Variants in ZFP2 observed in about 807,000 individuals in gnomAD.
ZFP2 encodes ZFP2 zinc finger protein, also known as zinc finger protein ZFP2.
ZFP2 carries 33 observed loss-of-function variants against 36.1 expected under a neutral mutation model. The observed-to-expected ratio is 0.92, with a 90% CI of 0.69 to 1.22. The LOEUF is 1.22. ZFP2 is among the 50% of genes most tolerant of loss of function. The probability of loss-of-function intolerance (pLI) is 0.00; values close to 1 mark genes in which losing one functional copy is unlikely to be tolerated. For missense variants in ZFP2, 522 were observed against 551.4 expected, an observed-to-expected ratio of 0.95 and a Z score of 0.53; for synonymous variants, 170 against 178.0, an observed-to-expected ratio of 0.96 and a Z score of 0.36.
chr5:178,915,965 G>A (rs971576998), intron 3 of ZFP2, among the ~76,000 whole-genome samples: 1 of 152,146 alleles, frequency 6.6e-6, no homozygotes, highest in Non-Finnish European at 1.5e-5. Flanking sequence ...CATAAATCTG[G>A]TGAAAATATA....
intron 1 of ZFP2, among the ~76,000 whole-genome samples, chr5:178,904,571 A>G (rs1034193250): frequency 2.7e-5 from 4 of 150,238 alleles, no homozygotes; most frequent in African/African-American, 7.4e-5. Context: ...TATAGTTTAC[A>G]TATATTTATA....
chr5:178,909,506 T>C (rs189446877), intron 1 of ZFP2, among the ~76,000 whole-genome samples: 7 of 152,316 alleles, frequency 4.6e-5, no homozygotes, highest in African/African-American at 1.7e-4. Context: ...TGGTCCCACT[T>C]TCACTCTTGA....
intron 4 of ZFP2, among the ~76,000 whole-genome samples, chr5:178,924,465 G>A (rs1758625471): frequency 6.7e-6 from 1 of 148,546 alleles, no homozygotes; most frequent in Non-Finnish European, 1.5e-5. Flanking sequence ...TCAAAAGTCC[G>A]AAGTTTCATC....
rs3986659 is a variant in ZFP2, at chr5:178,897,042, C to CTTTTT, written c.-450+1075_-450+1079dup. Among the ~76,000 whole-genome samples the CTTTTT allele has an allele frequency of 2.7e-5, 4 of 147,720 alleles. No homozygotes were observed. In the East Asian group the frequency reaches 6.0e-4, roughly 22 times the overall value. On this transcript the variant is annotated intron_variant, in intron 1 of 4. Transcript: ENST00000361362. ...TTTTTGTGTTAGGGTTTTCTTTTTTCTTTTTTTTTTTCAGTATTATAAACA... is the reference window on the plus strand; with the variant it reads ...TTTTTGTGTTAGGGTTTTCTTTTTTCTTTTTTTTTTTTTTTTCAGTATTATAAACA...
chr5:178,916,522 T>C, intron 3 of ZFP2, 43 bp from the exon 4 acceptor site: 1 of 984,682 alleles, frequency 1.0e-6, no homozygotes, highest in Non-Finnish European at 1.2e-6. Flanking sequence ...AAGGAGCCCA[T>C]AGAACATGAT....
intron 1 of ZFP2, among the ~76,000 whole-genome samples, chr5:178,899,849 C>T (rs1317153050): frequency 6.6e-6 from 1 of 151,810 alleles, no homozygotes; most frequent in Non-Finnish European, 1.5e-5. Context: ...ATTTTCTCTT[C>T]TCATAAAAGT....
At chr5:178,908,684 CA>C (rs926448625) in intron 1 of ZFP2, among the ~76,000 whole-genome samples, 1 of 136,384 alleles carries the variant, frequency 7.3e-6, no homozygotes, top group African/African-American at 2.7e-5. Flanking sequence ...CTGAAGGCTA[CA>C]AAAAAAAGAT....
Position 178,932,674 on chromosome 5 carries a change from C to A in ZFP2, c.1361C>A (p.Thr454Lys), listed in dbSNP as rs759030591. ...GCCTTCAGCCGGAGTACAAACCTTACACGACATCAAAGAACTCATACGTGA... is the reference window on the plus strand; with the variant it reads ...GCCTTCAGCCGGAGTACAAACCTTAAACGACATCAAAGAACTCATACGTGA... ...GKAFSRSTNL[T>K]RHQRTHT is the part of the protein sequence containing the mutation. Residue 454 changes from threonine to lysine, a missense_variant, in exon 5 of 5, where the codon ACA (threonine) becomes AAA (lysine). Transcript: ENST00000361362. The A allele has an allele frequency of 7.5e-6, 12 of 1,605,658 alleles. No homozygotes were observed. Among genetic ancestry groups the A allele is most frequent in the African/African-American group, 1.3e-5 (1 of 74,602 alleles).
chr5:178,918,239 A>T (rs956081479), intron 4 of ZFP2, among the ~76,000 whole-genome samples: 1 of 152,208 alleles, frequency 6.6e-6, no homozygotes, highest in African/African-American at 2.4e-5. Context: ...TATTGAATGA[A>T]TGATTTATCG....
intron 4 of ZFP2, among the ~76,000 whole-genome samples, chr5:178,923,665 G>A (rs1253563598): frequency 6.7e-6 from 1 of 149,160 alleles, no homozygotes; most frequent in Non-Finnish European, 1.5e-5. Context: ...ATCAGTTCTT[G>A]CAGGCATGGC....
At position 178,906,568 on chromosome 5, in the gene ZFP2, T is replaced by A. The variant is rs553440917; in HGVS notation, c.-449-6016T>A. 3.9e-3 allele frequency among the ~76,000 whole-genome samples: 600 copies of A among 152,232 alleles called. 2 individuals are homozygous for A. The highest frequency in any genetic ancestry group is 0.014 in the African/African-American group (566 of 41,528). On this transcript the variant is annotated intron_variant, in intron 1 of 4. Transcript: ENST00000361362. ...AGTTTTTGTCTTTATTTATTTATTT[T>A]TTTTTGAGACAGAGTCTCACTCTGT...
At chr5:178,928,709 T>C (rs989475192) in intron 4 of ZFP2, among the ~76,000 whole-genome samples, 1 of 152,150 alleles carries the variant, frequency 6.6e-6, no homozygotes, top group African/African-American at 2.4e-5. Context: ...ACATGCAGGG[T>C]GCAAACTGCC....
intron 1 of ZFP2, among the ~76,000 whole-genome samples, chr5:178,898,409 C>T (rs1034183155): frequency 3.3e-5 from 5 of 152,232 alleles, no homozygotes; most frequent in African/African-American, 7.2e-5. Flanking sequence ...TCATGTCTCT[C>T]TGTCTTTCGT....
chr5:178,930,204 G>A (rs1427884378), intron 4 of ZFP2, among the ~76,000 whole-genome samples: 1 of 151,224 alleles, frequency 6.6e-6, no homozygotes, highest in African/African-American at 2.4e-5. Flanking sequence ...ATGAAATTTG[G>A]GTGGGGACAC....
chr5:178,929,945 G>T (rs10051284), intron 4 of ZFP2, among the ~76,000 whole-genome samples: 84,749 of 141,064 alleles, frequency 0.6, 26,592 homozygotes, highest in Non-Finnish European at 0.61. Flanking sequence ...TTGACGGTGG[G>T]GGGGGGGGCT....
chr5:178,905,125 A>G (rs1758143700), intron 1 of ZFP2, among the ~76,000 whole-genome samples: 1 of 152,244 alleles, frequency 6.6e-6, no homozygotes, highest in Admixed American at 6.5e-5. Context: ...ATAGTAAAAA[A>G]GTAAAATTAT....
intron 1 of ZFP2, among the ~76,000 whole-genome samples, chr5:178,899,406 G>A (rs1407352372): frequency 5.9e-5 from 9 of 152,172 alleles, no homozygotes; most frequent in African/African-American, 1.9e-4. Flanking sequence ...CTGGAATGTT[G>A]AAGTTATTCA....
chr5:178,929,989 G>A (rs1758791424), intron 4 of ZFP2, among the ~76,000 whole-genome samples: 1 of 151,532 alleles, frequency 6.6e-6, no homozygotes, highest in South Asian at 2.1e-4. Context: ...TAGGTGAGAG[G>A]GGAGCAGGCA....
chr5:178,921,421 T>C (rs1758559939), intron 4 of ZFP2, among the ~76,000 whole-genome samples: 1 of 150,176 alleles, frequency 6.7e-6, no homozygotes, highest in East Asian at 1.9e-4. Flanking sequence ...GTGGGGCTTC[T>C]TGCTACCCTT....
Sources: gnomAD v4.1 joint callset for allele counts (sites outside exome capture counted in the v4.1 genomes callset) on GRCh38, gnomAD v4.1.1 for gene constraint, MANE v1.5 for transcripts, NCBI Gene and HGNC (gene_info 2026-07-23, HGNC 2026-07-21) for gene names.